KHDRBS2: variants seen among roughly 807,000 people sequenced by gnomAD.
KHDRBS2 encodes the protein KH RNA binding domain containing, signal transduction associated 2.
A neutral mutation model predicts 44.3 loss-of-function variants in KHDRBS2; 26 were observed. The ratio of observed to expected loss-of-function variants is 0.59; its 90% confidence interval spans 0.43 to 0.81. KHDRBS2 has a LOEUF of 0.81. Ranked by LOEUF, KHDRBS2 falls within the 40% of genes least tolerant of loss-of-function variation. KHDRBS2 has a pLI of 0.00. For synonymous variants in KHDRBS2, 194 were observed against 151.1 expected (o/e 1.28, Z -2.08); for missense variants, 476 against 433.1 (o/e 1.10, Z -0.88).
the KHDRBS2 span, among the ~76,000 whole-genome samples, chr6:61,568,820 G>GA: frequency 6.6e-6 from 1 of 152,208 alleles, no homozygotes; most frequent in African/African-American, 2.4e-5. Context: ...GGCCCTCAGG[G>GA]AAGGCAGCAA....
At chr6:62,223,008 C>A (rs1831154907) in intron 1 of KHDRBS2, among the ~76,000 whole-genome samples, 2 of 152,148 alleles carry the variant, frequency 1.3e-5, no homozygotes, top group African/African-American at 4.8e-5. Flanking sequence ...AGGACAGTGA[C>A]CCTCTTCTCA....
At chr6:62,143,856 G>C (rs1813373864) in intron 2 of KHDRBS2, among the ~76,000 whole-genome samples, 1 of 151,854 alleles carries the variant, frequency 6.6e-6, no homozygotes, top group African/African-American at 2.4e-5. Flanking sequence ...TCTGACATAA[G>C]TGTTGGGAAA....
chr6:62,251,722 C>T (rs1467828330), intron 1 of KHDRBS2, among the ~76,000 whole-genome samples: 2 of 151,872 alleles, frequency 1.3e-5, no homozygotes, highest in African/African-American at 4.8e-5. Flanking sequence ...CTCTTGCCTG[C>T]ATATATACCT....
intron 6 of KHDRBS2, among the ~76,000 whole-genome samples, chr6:61,869,154 T>C (rs371046154): frequency 1.1e-3 from 165 of 152,248 alleles, no homozygotes; most frequent in African/African-American, 3.9e-3. Context: ...ACTCCATGGG[T>C]CAAGTTGTTT....
the KHDRBS2 span, among the ~76,000 whole-genome samples, chr6:61,584,291 T>G: frequency 6.6e-6 from 1 of 151,866 alleles, no homozygotes; most frequent in African/African-American, 2.4e-5. Context: ...GTTTTGTTCC[T>G]GATCTTAAAA....
intron 1 of KHDRBS2, among the ~76,000 whole-genome samples, chr6:62,242,167 T>C (rs1834782822): frequency 6.6e-6 from 1 of 152,174 alleles, no homozygotes; most frequent in Admixed American, 6.6e-5. Context: ...GTACAGAGGA[T>C]AAAACTATGT....
At chr6:61,616,508 G>A in the KHDRBS2 span, among the ~76,000 whole-genome samples, 1 of 147,836 alleles carries the variant, frequency 6.8e-6, no homozygotes, top group African/African-American at 2.5e-5. Flanking sequence ...TAATGCTATT[G>A]CTTTCTAAAC....
the KHDRBS2 span, among the ~76,000 whole-genome samples, chr6:61,582,701 T>C: frequency 6.6e-6 from 1 of 151,674 alleles, no homozygotes; most frequent in Non-Finnish European, 1.5e-5. Flanking sequence ...TAACTTTTTT[T>C]TTTACTGCTT....
chr6:61,587,660 A>G, the KHDRBS2 span, among the ~76,000 whole-genome samples: 2 of 152,148 alleles, frequency 1.3e-5, no homozygotes, highest in African/African-American at 4.8e-5. Context: ...GCCAAAAAAA[A>G]TGATATTTTT....
chr6:61,555,144 G>A, the KHDRBS2 span, among the ~76,000 whole-genome samples: 2 of 152,132 alleles, frequency 1.3e-5, no homozygotes, highest in Admixed American at 1.3e-4. Context: ...GAATGCCAAT[G>A]AGTCATAAAT....
chr6:62,044,360 C>T (rs1392730501), intron 3 of KHDRBS2, among the ~76,000 whole-genome samples: 1 of 151,830 alleles, frequency 6.6e-6, no homozygotes, highest in Non-Finnish European at 1.5e-5. Context: ...CCTGTAGTCC[C>T]AGATACTTGG....
chr6:62,284,317 T>C (rs1274520502), intron 1 of KHDRBS2, among the ~76,000 whole-genome samples: 1 of 152,146 alleles, frequency 6.6e-6, no homozygotes, highest in Non-Finnish European at 1.5e-5. Flanking sequence ...TAACTTTTTT[T>C]TCACTTTAAA....
At chr6:62,218,060 CATCTTGCCAACACGGG>C (rs1414245135) in intron 1 of KHDRBS2, among the ~76,000 whole-genome samples, 6 of 151,844 alleles carry the variant, frequency 4.0e-5, no homozygotes, top group Non-Finnish European at 8.8e-5. Context: ...ACCCTTGGGG[CATCTTGCCAACACGGG>C]AAGAGACAAC....
intron 2 of KHDRBS2, among the ~76,000 whole-genome samples, chr6:62,102,760 G>T (rs1222963590): frequency 6.6e-6 from 1 of 152,128 alleles, no homozygotes; most frequent in Non-Finnish European, 1.5e-5. Flanking sequence ...CCCCAGAAGG[G>T]TCACCACTCT....
the KHDRBS2 span, among the ~76,000 whole-genome samples, chr6:61,562,255 T>C: frequency 8.7e-4 from 133 of 152,304 alleles, no homozygotes; most frequent in African/African-American, 3.0e-3. Context: ...TACTCTAGCC[T>C]GAGAGGCAAA....
intron 2 of KHDRBS2, among the ~76,000 whole-genome samples, chr6:62,128,388 T>C (rs887335382): frequency 2.0e-5 from 3 of 152,126 alleles, no homozygotes; most frequent in African/African-American, 7.2e-5. Flanking sequence ...TTCCTGTAAA[T>C]AGGTAGACTG....
intron 4 of KHDRBS2, among the ~76,000 whole-genome samples, chr6:61,952,337 T>C (rs905412401): frequency 2.6e-5 from 4 of 152,076 alleles, no homozygotes; most frequent in Non-Finnish European, 2.9e-5. Flanking sequence ...AATGCACCAC[T>C]GACACATTGA....
At chr6:61,697,786 G>C (rs1368206933) in intron 7 of KHDRBS2, among the ~76,000 whole-genome samples, 4 of 151,920 alleles carry the variant, frequency 2.6e-5, no homozygotes, top group African/African-American at 9.7e-5. Flanking sequence ...AACTGTCAAA[G>C]GTGTTCTTCC....
At chr6:61,581,780 A>T in the KHDRBS2 span, among the ~76,000 whole-genome samples, 2 of 151,400 alleles carry the variant, frequency 1.3e-5, no homozygotes, top group African/African-American at 4.8e-5. Context: ...AAAATGGAGA[A>T]TCTGAATAAC....
Sources: allele counts gnomAD v4.1 joint callset (sites outside exome capture counted in the v4.1 genomes callset), GRCh38; gene constraint gnomAD v4.1.1; transcripts MANE v1.5; gene names NCBI Gene and HGNC (gene_info 2026-07-23, HGNC 2026-07-21).